DEUP1: variants seen among roughly 807,000 people sequenced by gnomAD.
The protein encoded by DEUP1 is deuterosome assembly protein 1, also known as coiled-coil domain containing 67.
Under a neutral mutation model 87.4 loss-of-function variants are expected in DEUP1, and 82 were observed. The observed-to-expected ratio is 0.94, with a 90% CI of 0.78 to 1.13. The LOEUF (loss-of-function observed/expected upper bound fraction) is 1.13. DEUP1 is among the 50% of genes most tolerant of loss of function. The pLI, the probability that DEUP1 is intolerant of heterozygous loss-of-function variation, is 0.00. For synonymous variants in DEUP1, 214 were observed against 222.7 expected (o/e 0.96, Z 0.35); for missense variants, 663 against 681.5 (o/e 0.97, Z 0.30).
chr11:93,332,421 G>T (rs1591063356), intron 2 of DEUP1, 133 bp downstream of exon 2: 2 of 642,950 alleles, frequency 3.1e-6, no homozygotes, highest in East Asian at 5.6e-5. Context: ...CGGATGAGAG[G>T]AAATATGAAG....
chr11:93,345,452 C>T (rs1312722942), intron 2 of DEUP1, among the ~76,000 whole-genome samples: 1 of 152,114 alleles, frequency 6.6e-6, no homozygotes, highest in East Asian at 1.9e-4. Flanking sequence ...GAACAATGAT[C>T]AAACTAATTT....
Position 93,408,437 on chromosome 11 carries a change from C to T in DEUP1, c.1523+10C>T. ...AACAAAATGAAGAGAGGTATGCTGG[C>T]TCCATTATATAAGGGCATAAGTTTA... On this transcript the variant is annotated intron_variant, in intron 12 of 13. Coordinates refer to ENST00000298050, the MANE Select transcript of DEUP1 (RefSeq NM_181645.4). 1 of 1,486,386 alleles carries T rather than the reference C, an allele frequency of 6.7e-7. No individual in the cohort carries two copies. 92.1% of individuals were successfully genotyped at this position (1,486,386 alleles called of 1,614,324 possible).
intron 4 of DEUP1, among the ~76,000 whole-genome samples, chr11:93,357,731 T>A (rs1391382749): frequency 6.6e-6 from 1 of 152,156 alleles, no homozygotes; most frequent in Non-Finnish European, 1.5e-5. Context: ...TGACCAACTT[T>A]TTTTGGAGTA....
chr11:93,333,800 G>A (rs1396130206), intron 2 of DEUP1, among the ~76,000 whole-genome samples: 2 of 152,168 alleles, frequency 1.3e-5, no homozygotes, highest in African/African-American at 4.8e-5. Flanking sequence ...GAAATGGATG[G>A]CAATGAGATG....
Position 93,398,721 on chromosome 11 carries a change from A to ATT in DEUP1, c.1326+2412_1326+2413dup, listed in dbSNP as rs34737091. On this transcript the variant is annotated intron_variant, in intron 11 of 13. Transcript: ENST00000298050. ...GGCTTATTTGTCTTTTTCATGTCAAATTTTTTTTTTTTTTTTTGAGATGGA... is the reference window on the plus strand; with the variant it reads ...GGCTTATTTGTCTTTTTCATGTCAAATTTTTTTTTTTTTTTTTTTGAGATGGA... Among the ~76,000 whole-genome samples the ATT allele has an allele frequency of 2.4e-3, 326 of 138,056 alleles. 1 individual carries two copies. The highest frequency in any genetic ancestry group is 8.1e-3 in the African/African-American group (304 of 37,548). The allele number at this position is 138,056 out of a possible 152,430, so 90.6% of individuals were successfully genotyped here. A position where few individuals can be genotyped will look rare whatever the true frequency, so the allele number is the denominator to read the frequency against.
chr11:93,361,075 T>C (rs1354629758), intron 4 of DEUP1, among the ~76,000 whole-genome samples: 1 of 152,086 alleles, frequency 6.6e-6, no homozygotes, highest in Non-Finnish European at 1.5e-5. Flanking sequence ...ACCTTAGCTA[T>C]TGGGGAAACC....
chr11:93,406,000 TAGAA>T (rs1947266016), intron 11 of DEUP1, among the ~76,000 whole-genome samples: 1 of 151,976 alleles, frequency 6.6e-6, no homozygotes, highest in Admixed American at 6.6e-5. Context: ...ATCTGAGGAG[TAGAA>T]AGAACTGTGT....
intron 13 of DEUP1, among the ~76,000 whole-genome samples, chr11:93,416,092 C>A (rs11020318): frequency 3.3e-5 from 5 of 152,094 alleles, no homozygotes; most frequent in South Asian, 2.1e-4. Flanking sequence ...CTGTAGGAGC[C>A]AATGAATATC....
At chr11:93,353,604 A>C (rs1192939878) in intron 2 of DEUP1, among the ~76,000 whole-genome samples, 2 of 152,256 alleles carry the variant, frequency 1.3e-5, no homozygotes, top group Admixed American at 1.3e-4. Flanking sequence ...CTGCATGGGC[A>C]TCCAGGCATT....
intron 8 of DEUP1, among the ~76,000 whole-genome samples, chr11:93,386,357 G>A (rs1167103193): frequency 1.8e-4 from 27 of 151,904 alleles, no homozygotes. Context: ...AAACAAAATG[G>A]GACTGCTGAG....
intron 2 of DEUP1, among the ~76,000 whole-genome samples, chr11:93,344,421 C>T (rs1006549230): frequency 1.6e-4 from 24 of 152,082 alleles, no homozygotes; most frequent in African/African-American, 5.3e-4. Flanking sequence ...GCTTATCAGC[C>T]TTTGAAAACT....
chr11:93,356,948 G>T lies in DEUP1; in HGVS notation c.202G>T (p.Val68Leu), dbSNP rs1017235650. 3 of 1,584,380 alleles carry T rather than the reference G, an allele frequency of 1.9e-6. No homozygotes were observed. Residue 68 changes from valine to leucine, a missense_variant and splice_region_variant, in exon 4 of 14, where the codon GTA becomes TTA. Coordinates refer to ENST00000298050, the MANE Select transcript of DEUP1 (RefSeq NM_181645.4). The part of the protein sequence containing the change: ...QTCLDQKGQE[V>L]GLLRQKLDSL... The stretch of plus-strand genomic sequence containing the variant: ...AAATTAAATTTTATTCTTCATGCAG[G>T]TAGGGTTACTTCGACAGAAATTGGA...
rs1484709765 is a variant in DEUP1, at chr11:93,385,423, T to C, written c.815T>C (p.Val272Ala). The C allele has an allele frequency of 1.9e-6, 3 of 1,612,890 alleles. No homozygotes were observed. The highest frequency in any genetic ancestry group is 2.5e-6 in the Non-Finnish European group (3 of 1,179,576). The change falls in exon 8 of 14, where the codon GTA becomes GCA. Residue 272 changes from valine (V) to alanine (A), a missense_variant. Physicochemically the swap from Val to Ala is moderately conservative, Grantham distance 64. Coordinates refer to ENST00000298050, the MANE Select transcript of DEUP1 (RefSeq NM_181645.4). ...GCCATGGAAGCAGGTCTCTCAGAGGTAAAAAGTGAGTTACAGTCACGTGAT... is the reference window on the plus strand; with the variant it reads ...GCCATGGAAGCAGGTCTCTCAGAGGCAAAAAGTGAGTTACAGTCACGTGAT... ...CQAMEAGLSE[V>A]KSELQSRDDL...
intron 11 of DEUP1, among the ~76,000 whole-genome samples, chr11:93,404,650 G>A (rs1160348534): frequency 6.6e-6 from 1 of 152,018 alleles, no homozygotes; most frequent in Non-Finnish European, 1.5e-5. Context: ...AGACACTTCA[G>A]TAATTAAGCC....
intron 10 of DEUP1, among the ~76,000 whole-genome samples, chr11:93,395,250 T>C (rs1181933719): frequency 1.3e-5 from 2 of 152,308 alleles, no homozygotes; most frequent in South Asian, 2.1e-4. Flanking sequence ...TTAAATTCCC[T>C]CCATCCCTTA....
At chr11:93,416,912 G>A (rs1947656865) in intron 13 of DEUP1, among the ~76,000 whole-genome samples, 2 of 151,894 alleles carry the variant, frequency 1.3e-5, no homozygotes, top group African/African-American at 4.8e-5. Flanking sequence ...CATACAAATG[G>A]GACCAAAGAC....
At chr11:93,354,175 G>T (rs1429433710) in intron 2 of DEUP1, among the ~76,000 whole-genome samples, 1 of 152,082 alleles carries the variant, frequency 6.6e-6, no homozygotes, top group Non-Finnish European at 1.5e-5. Context: ...TCTCTCTCAA[G>T]TTCAAAGTTC....
intron 7 of DEUP1, among the ~76,000 whole-genome samples, chr11:93,371,675 G>C (rs1268804163): frequency 6.6e-6 from 1 of 152,118 alleles, no homozygotes; most frequent in African/African-American, 2.4e-5. Flanking sequence ...AGTAACCTCA[G>C]TGAGAGCTAT....
intron 8 of DEUP1, among the ~76,000 whole-genome samples, chr11:93,388,023 G>T (rs1946643353): frequency 6.6e-6 from 1 of 151,980 alleles, no homozygotes; most frequent in Non-Finnish European, 1.5e-5. Context: ...GATATACTTT[G>T]TTATCCACAG....
Sources: gnomAD v4.1 joint callset for allele counts (sites outside exome capture counted in the v4.1 genomes callset) on GRCh38, gnomAD v4.1.1 for gene constraint, MANE v1.5 for transcripts, NCBI Gene and HGNC (gene_info 2026-07-23, HGNC 2026-07-21) for gene names.